The following NKAIN2 variants were observed in gnomAD, a reference collection of about 807,000 sequenced individuals.
NKAIN2 encodes the protein sodium/potassium transporting ATPase interacting 2.
In NKAIN2, 14 loss-of-function variants were observed where a neutral mutation model predicts 32.6. That is an observed-to-expected ratio of 0.43 (90% CI 0.28 to 0.67). The LOEUF is 0.67. Among genes scored for constraint, NKAIN2 ranks in the 30% least tolerant of loss-of-function variants. The probability of loss-of-function intolerance (pLI) is 0.17; values close to 1 mark genes in which losing one functional copy is unlikely to be tolerated. For missense variants in NKAIN2, 198 were observed against 258.3 expected (o/e 0.77, Z 1.60); for synonymous variants, 80 against 87.2 (o/e 0.92, Z 0.46).
chr6:124,564,400 T>A (rs1279838026), intron 3 of NKAIN2, among the ~76,000 whole-genome samples: 4 of 152,194 alleles, frequency 2.6e-5, no homozygotes, highest in Non-Finnish European at 5.9e-5. Flanking sequence ...ATCAATGCTC[T>A]GTATAATGGA....
At chr6:124,296,435 A>G (rs1436019856) in intron 2 of NKAIN2, among the ~76,000 whole-genome samples, 2 of 152,134 alleles carry the variant, frequency 1.3e-5, no homozygotes, top group African/African-American at 4.8e-5. Flanking sequence ...TTATGTAGCT[A>G]GGTATATGCA....
chr6:123,952,684 T>G (rs1037129504), intron 1 of NKAIN2, among the ~76,000 whole-genome samples: 1 of 152,166 alleles, frequency 6.6e-6, no homozygotes, highest in Non-Finnish European at 1.5e-5. Flanking sequence ...TTGTTGAAGC[T>G]TTTGAATATA....
At chr6:124,033,633 G>T (rs74714356) in intron 1 of NKAIN2, among the ~76,000 whole-genome samples, 1 of 151,998 alleles carries the variant, frequency 6.6e-6, no homozygotes, top group Non-Finnish European at 1.5e-5. Context: ...CTCACTAAGC[G>T]AGCATCCTCC....
At chr6:124,100,076 T>C (rs1784809749) in intron 1 of NKAIN2, among the ~76,000 whole-genome samples, 1 of 152,204 alleles carries the variant, frequency 6.6e-6, no homozygotes, top group South Asian at 2.1e-4. Flanking sequence ...AAATGTTCTC[T>C]TACATGTTAA....
intron 1 of NKAIN2, among the ~76,000 whole-genome samples, chr6:124,051,013 A>G (rs1782374911): frequency 6.6e-6 from 1 of 152,112 alleles, no homozygotes; most frequent in Non-Finnish European, 1.5e-5. Flanking sequence ...CTTTGAAGTA[A>G]TCTTTTAACA....
chr6:124,711,220 C>A (rs1382763612), intron 4 of NKAIN2, among the ~76,000 whole-genome samples: 1 of 118,484 alleles, frequency 8.4e-6, no homozygotes, highest in Non-Finnish European at 1.7e-5. Context: ...TGATGGGCTT[C>A]CCTTTGAGGG....
At chr6:123,909,055 C>A (rs1041189748) in intron 1 of NKAIN2, among the ~76,000 whole-genome samples, 1 of 152,130 alleles carries the variant, frequency 6.6e-6, no homozygotes, top group Non-Finnish European at 1.5e-5. Flanking sequence ...TTTGTGAATA[C>A]AGATGTCCTA....
At chr6:124,015,599 G>A (rs187569486) in intron 1 of NKAIN2, among the ~76,000 whole-genome samples, 69 of 152,218 alleles carry the variant, frequency 4.5e-4, no homozygotes, top group Non-Finnish European at 8.7e-4. Context: ...ACACCGTGAG[G>A]TGCTTCAAAG....
At chr6:124,018,050 T>G (rs1780672705) in intron 1 of NKAIN2, among the ~76,000 whole-genome samples, 1 of 152,130 alleles carries the variant, frequency 6.6e-6, no homozygotes, top group African/African-American at 2.4e-5. Context: ...TTTCCATACC[T>G]CCTCTGAAAT....
intron 2 of NKAIN2, among the ~76,000 whole-genome samples, chr6:124,323,844 G>T (rs1797303678): frequency 7.2e-6 from 1 of 139,658 alleles, no homozygotes; most frequent in Non-Finnish European, 1.5e-5. Flanking sequence ...CTGGAGTTCA[G>T]TGGCACAATC....
chr6:124,105,699 C>T (rs1270814254), intron 1 of NKAIN2, among the ~76,000 whole-genome samples: 2 of 152,098 alleles, frequency 1.3e-5, no homozygotes, highest in Non-Finnish European at 2.9e-5. Context: ...AAATATAAAT[C>T]CAATTACATC....
At chr6:123,940,888 G>A (rs1776785902) in intron 1 of NKAIN2, among the ~76,000 whole-genome samples, 1 of 151,810 alleles carries the variant, frequency 6.6e-6, no homozygotes, top group Non-Finnish European at 1.5e-5. Context: ...TTAGCTTGCT[G>A]TAATATTTTT....
At chr6:124,732,198 TCCTTTA>T (rs773061996) in intron 4 of NKAIN2, among the ~76,000 whole-genome samples, 10 of 152,084 alleles carry the variant, frequency 6.6e-5, no homozygotes, top group Non-Finnish European at 1.3e-4. Flanking sequence ...CTCCAGCCCT[TCCTTTA>T]CCTTTTGAGT....
intron 4 of NKAIN2, among the ~76,000 whole-genome samples, chr6:124,713,442 A>G (rs1165216854): frequency 6.6e-6 from 1 of 152,228 alleles, no homozygotes; most frequent in Non-Finnish European, 1.5e-5. Flanking sequence ...CAGCAAGTCC[A>G]CTATCAGTCA....
chr6:123,913,899 T>A (rs1013254126), intron 1 of NKAIN2, among the ~76,000 whole-genome samples: 2 of 152,308 alleles, frequency 1.3e-5, no homozygotes, highest in Admixed American at 6.5e-5. Flanking sequence ...ATCTTTTAAA[T>A]GAAGAGTTTA....
intron 1 of NKAIN2, among the ~76,000 whole-genome samples, chr6:124,252,131 C>A (rs983161070): frequency 6.6e-6 from 1 of 151,954 alleles, no homozygotes; most frequent in African/African-American, 2.4e-5. Flanking sequence ...TGTGCTCATG[C>A]GTGGTTCACA....
At chr6:123,822,511 G>A (rs1773968377) in intron 1 of NKAIN2, among the ~76,000 whole-genome samples, 1 of 152,132 alleles carries the variant, frequency 6.6e-6, no homozygotes, top group South Asian at 2.1e-4. Flanking sequence ...ATCTTAGGGA[G>A]GTTCACTGAT....
At chr6:123,956,876 G>A (rs1230460094) in intron 1 of NKAIN2, among the ~76,000 whole-genome samples, 1 of 152,188 alleles carries the variant, frequency 6.6e-6, no homozygotes, top group Non-Finnish European at 1.5e-5. Flanking sequence ...TTCAATTAAA[G>A]ACTTCTGTGA....
At chr6:123,808,504 G>A (rs569335840) in intron 1 of NKAIN2, among the ~76,000 whole-genome samples, 3 of 152,250 alleles carry the variant, frequency 2.0e-5, no homozygotes, top group South Asian at 4.1e-4. Context: ...CTGTAATTCA[G>A]CACTACTCTT....
Sources: gnomAD v4.1 joint callset for allele counts (sites outside exome capture counted in the v4.1 genomes callset) on GRCh38, gnomAD v4.1.1 for gene constraint, MANE v1.5 for transcripts, NCBI Gene and HGNC (gene_info 2026-07-23, HGNC 2026-07-21) for gene names.